The following PTPRD variants were observed in gnomAD, a reference collection of about 807,000 sequenced individuals.
PTPRD encodes receptor-type tyrosine-protein phosphatase delta.
A neutral mutation model predicts 214.5 loss-of-function variants in PTPRD; 34 were observed. The observed-to-expected ratio is 0.16, with a 90% CI of 0.12 to 0.21. The LOEUF (loss-of-function observed/expected upper bound fraction) is 0.21. Ranked by LOEUF, PTPRD falls within the 10% of genes least tolerant of loss-of-function variation. The pLI is 1.00. For synonymous variants in PTPRD, 1,128 were observed against 845.7 expected (o/e 1.33, Z -5.79); for missense variants, 2,545 against 2,398.7 (o/e 1.06, Z -1.27).
rs146530989 is a variant in PTPRD at position 9,788,000 on chromosome 9, C to T, written c.-367-21149G>A. 5.0e-3 allele frequency among the ~76,000 whole-genome samples: 755 copies of T among 151,392 alleles called. 31 individuals carry two copies. Among genetic ancestry groups the T allele is most frequent in the East Asian group, 0.048 (242 of 4,998 alleles). The stretch of plus-strand genomic sequence containing the variant: ...ATTTTGCCATTTTGACCAGGCTGGC[C>T]TCAAACTCCCGACTTAAGGTGATCC... On this transcript the variant is annotated intron_variant, in intron 5 of 45. Coordinates refer to ENST00000381196, the MANE Select transcript of PTPRD (RefSeq NM_002839.4).
At chr9:9,383,226 T>C (rs2062857372) in intron 9 of PTPRD, among the ~76,000 whole-genome samples, 1 of 152,082 alleles carries the variant, frequency 6.6e-6, no homozygotes, top group South Asian at 2.1e-4. Flanking sequence ...AACTAGACTA[T>C]ATACTCCCTA....
At chr9:9,961,496 C>A (rs990972281) in intron 4 of PTPRD, among the ~76,000 whole-genome samples, 2 of 152,088 alleles carry the variant, frequency 1.3e-5, no homozygotes, top group Non-Finnish European at 2.9e-5. Flanking sequence ...TTCCCAGGAG[C>A]ATTAGTAAAA....
chr9:10,479,732 A>C (rs1472490117), intron 2 of PTPRD, among the ~76,000 whole-genome samples: 1 of 151,944 alleles, frequency 6.6e-6, no homozygotes, highest in African/African-American at 2.4e-5. Flanking sequence ...GGCTGAGGTA[A>C]GGTCGCTTGA....
At chr9:9,954,635 G>A (rs1278328213) in intron 4 of PTPRD, among the ~76,000 whole-genome samples, 1 of 151,828 alleles carries the variant, frequency 6.6e-6, no homozygotes, top group Non-Finnish European at 1.5e-5. Context: ...TTTTCTTTTA[G>A]AATACTATAA....
chr9:9,231,766 T>C (rs1050294370), intron 9 of PTPRD, among the ~76,000 whole-genome samples: 4 of 152,162 alleles, frequency 2.6e-5, no homozygotes, highest in Non-Finnish European at 4.4e-5. Flanking sequence ...AGTTATAGGG[T>C]ACATGTGCAC....
chr9:10,575,965 T>G (rs772278734), intron 2 of PTPRD, among the ~76,000 whole-genome samples: 28 of 152,186 alleles, frequency 1.8e-4, no homozygotes, highest in Non-Finnish European at 3.2e-4. Flanking sequence ...CTTCTGACCT[T>G]TCAAATGATC....
intron 33 of PTPRD, among the ~76,000 whole-genome samples, chr9:8,458,247 T>C (rs756931747): frequency 3.9e-5 from 6 of 152,152 alleles, no homozygotes; most frequent in Non-Finnish European, 8.8e-5. Context: ...AGTGAGTTGA[T>C]TTTTTAAGCA....
At chr9:10,241,260 A>G (rs2090989792) in intron 3 of PTPRD, among the ~76,000 whole-genome samples, 1 of 152,016 alleles carries the variant, frequency 6.6e-6, no homozygotes, top group South Asian at 2.1e-4. Context: ...GGAATGTAAA[A>G]TGGTGCAGAA....
At chr9:8,485,423 A>C (rs1273731721) in intron 28 of PTPRD, 99 bp from the exon 29 acceptor site, 3 of 790,086 alleles carry the variant, frequency 3.8e-6, no homozygotes, top group Non-Finnish European at 4.1e-6. Flanking sequence ...GATGCTGTCT[A>C]CTTTGATCAG....
In PTPRD at chr9:8,486,297, A is replaced by G; in HGVS notation, c.2520T>C (p.Leu840=). 6.2e-7 allele frequency: 1 copy of G among 1,614,176 alleles called. No individual in the cohort carries two copies. Among genetic ancestry groups the G allele is most frequent in the Non-Finnish European group, 8.5e-7 (1 of 1,180,016 alleles). Residue 840 remains leucine, a synonymous_variant, in exon 28 of 46, where the codon CTT becomes CTC. Transcript: ENST00000381196. ...TGTCCACCGGAGGGTGCCACTGAAT[A>G]AGAGCAGTATTCATCTGAGTGTGGT... The part of the protein sequence containing the change: ...VINHTQMNTA[L]IQWHPPVDTF...
chr9:10,478,781 T>G (rs1018980552), intron 2 of PTPRD, among the ~76,000 whole-genome samples: 1 of 151,634 alleles, frequency 6.6e-6, no homozygotes. Context: ...GAGGAAAATT[T>G]CAGAAACAAA....
rs5896339 is a variant in PTPRD at position 9,479,347 on chromosome 9, G to GCACACACACACA, written c.-236-81877_-236-81866dup. ...CCTTCGAGAAAATGTGAAAACTGATGCACACACACACACACACACACACAC... is the reference window on the plus strand; with the variant it reads ...CCTTCGAGAAAATGTGAAAACTGATGCACACACACACACACACACACACACACACACACACAC... On this transcript the variant is annotated intron_variant, in intron 8 of 45. Coordinates refer to ENST00000381196, the MANE Select transcript of PTPRD (RefSeq NM_002839.4). Among the ~76,000 whole-genome samples the GCACACACACACA allele has an allele frequency of 9.8e-3, 1,432 of 146,772 alleles. 14 individuals are homozygous for GCACACACACACA. Among genetic ancestry groups the GCACACACACACA allele is most frequent in the South Asian group, 0.025 (116 of 4,638 alleles).
intron 5 of PTPRD, among the ~76,000 whole-genome samples, chr9:9,907,318 G>A (rs1241988088): frequency 6.6e-6 from 1 of 151,838 alleles, no homozygotes. Context: ...ATATTAGTCT[G>A]CTAGGGCCGT....
chr9:8,848,037 T>G (rs943257076), intron 11 of PTPRD, among the ~76,000 whole-genome samples: 2 of 152,116 alleles, frequency 1.3e-5, no homozygotes, highest in Non-Finnish European at 2.9e-5. Context: ...AATGGCAGCC[T>G]TTTTGATTTT....
rs544614650 is a variant in PTPRD at position 8,894,514 on chromosome 9, G to C, written c.-104+124183C>G. The stretch of plus-strand genomic sequence containing the variant: ...GTATCCTGATAGGAGTCAGAATGTG[G>C]GGGTTGGGGGGTGCTTAGAAACTGT... On this transcript the variant is annotated intron_variant, in intron 11 of 45. Coordinates refer to ENST00000381196, the MANE Select transcript of PTPRD (RefSeq NM_002839.4). Among the ~76,000 whole-genome samples the C allele has an allele frequency of 1.1e-4, 17 of 152,150 alleles. No individual in the cohort carries two copies. The East Asian group carries it at 2.7e-3, about 24-fold the overall frequency.
chr9:8,949,768 G>T (rs1656686763), intron 11 of PTPRD, among the ~76,000 whole-genome samples: 1 of 152,114 alleles, frequency 6.6e-6, no homozygotes, highest in Non-Finnish European at 1.5e-5. Context: ...TTGAAACATT[G>T]TGGGATTGTT....
chr9:9,008,205 T>TTTTATTTATTTATTTATTTATTTATTTA (rs71317392), intron 11 of PTPRD, among the ~76,000 whole-genome samples: 1 of 121,188 alleles, frequency 8.3e-6, no homozygotes, highest in Admixed American at 8.8e-5. Flanking sequence ...CTCCCCTTCA[T>TTTTATTTATTTATTTATTTATTTATTTA]TTTATTTATT....
intron 33 of PTPRD, among the ~76,000 whole-genome samples, chr9:8,455,795 T>C (rs1031284800): frequency 2.0e-4 from 31 of 152,352 alleles, no homozygotes; most frequent in African/African-American, 7.2e-4. Flanking sequence ...TCAGTGACTT[T>C]ATCAGGGAAT....
intron 9 of PTPRD, among the ~76,000 whole-genome samples, chr9:9,265,258 T>A (rs1046370781): frequency 5.3e-5 from 8 of 151,578 alleles, no homozygotes; most frequent in African/African-American, 1.5e-4. Flanking sequence ...TTTATTGACT[T>A]GTGTTTATTT....
Sources: allele counts gnomAD v4.1 joint callset (sites outside exome capture counted in the v4.1 genomes callset), GRCh38; gene constraint gnomAD v4.1.1; transcripts MANE v1.5; gene names NCBI Gene and HGNC (gene_info 2026-07-23, HGNC 2026-07-21).